Variants in XIRP2 observed in about 807,000 individuals in gnomAD.
The protein encoded by XIRP2 is xin actin-binding repeat-containing protein 2.
A neutral mutation model predicts 277.0 loss-of-function variants in XIRP2; 236 were observed. That is an observed-to-expected ratio of 0.85 (90% confidence interval 0.77 to 0.95). XIRP2 has a LOEUF of 0.95. XIRP2 is among the 40% of genes least tolerant of loss of function. XIRP2 has a pLI of 0.00. For missense variants in XIRP2, 4,640 were observed against 4,157.5 expected (o/e 1.12, Z -3.19); for synonymous variants, 1,490 against 1,416.5 (o/e 1.05, Z -1.17).
At chr2:167,205,602 T>C (rs1325933147) in intron 3 of XIRP2, among the ~76,000 whole-genome samples, 2 of 152,160 alleles carry the variant, frequency 1.3e-5, no homozygotes, top group Non-Finnish European at 2.9e-5. Context: ...CTATCTCATT[T>C]AATATATGAA....
At chr2:167,195,751 G>T (rs188544255) in intron 3 of XIRP2, among the ~76,000 whole-genome samples, 2 of 152,276 alleles carry the variant, frequency 1.3e-5, no homozygotes. Flanking sequence ...GAAATCAGTG[G>T]GTATAGGGAC....
At chr2:167,083,260 G>A (rs1425818209) in intron 2 of XIRP2, among the ~76,000 whole-genome samples, 1 of 152,028 alleles carries the variant, frequency 6.6e-6, no homozygotes, top group Non-Finnish European at 1.5e-5. Context: ...TTGTAGATAT[G>A]CGGCATTATT....
At position 167,246,586 on chromosome 2, in the gene XIRP2, AG is replaced by A; in HGVS notation, c.5197del (p.Ala1733LeufsTer18). On this transcript the variant is annotated frameshift_variant, in exon 9 of 11. Coordinates refer to ENST00000409195, the MANE Select transcript of XIRP2 (RefSeq NM_152381.6). LOFTEE classifies it high-confidence loss of function. ...CACATCAAACAATAAAATATCTGAA[AG>A]GGCTAAAATTGATGCCTCTGAGAGA... ...SSTSNNKISE[R>X]AKIDASERGN... 1 of 1,613,834 alleles carries A rather than the reference AG, an allele frequency of 6.2e-7. No individual in the cohort carries two copies. Among genetic ancestry groups the A allele is most frequent in the East Asian group, 2.2e-5 (1 of 44,836 alleles).
Position 167,245,786 on chromosome 2 carries a change from G to A in XIRP2, c.4394G>A (p.Arg1465Lys). 1 of 1,613,720 alleles carries A rather than the reference G, an allele frequency of 6.2e-7. No individual in the cohort carries two copies. Residue 1465 changes from arginine (R) to lysine (K), a missense_variant, in exon 9 of 11, where the codon AGA (arginine) becomes AAA (lysine). Arg to Lys is a conservative substitution (Grantham distance 26). Coordinates refer to ENST00000409195, the MANE Select transcript of XIRP2 (RefSeq NM_152381.6). ...LFETHTMDEL[R>K]GEGLEYENIK... ...GAAACCCACACTATGGATGAACTGA[G>A]AGGAGAAGGGTTAGAATATGAAAAT...
chr2:167,016,378 T>C (rs1687828238), intron 2 of XIRP2, among the ~76,000 whole-genome samples: 1 of 152,020 alleles, frequency 6.6e-6, no homozygotes, highest in East Asian at 1.9e-4. Flanking sequence ...CCTTCTAAAA[T>C]ACAAATCTTA....
In XIRP2 at chr2:166,907,875, T is replaced by C. The variant is rs563444385; in HGVS notation, c.408+3985T>C. ...TGAGAACATGCAGTGTTTGGTTTTT[T>C]GTCTTTGCGTTAGTTTGCTGAGAAT... On this transcript the variant is annotated intron_variant, in intron 2 of 10. Transcript: ENST00000409195. Among the ~76,000 whole-genome samples, 3 of 151,588 alleles carry C rather than the reference T, an allele frequency of 2.0e-5. No individual in the cohort carries two copies. In the South Asian group the frequency reaches 6.3e-4, roughly 32 times the overall value.
At position 166,903,826 on chromosome 2, in the gene XIRP2, A is replaced by G. The variant is rs746553062; in HGVS notation, c.344A>G (p.Asp115Gly). ...ATTGAACGCTTTTCCATTGCCCTTG[A>G]TGAGCTGAGGAGTGTGTTTGAGGCT... ...RRIERFSIAL[D>G]ELRSVFEAPK... Residue 115 changes from aspartate (D) to glycine (G), a missense_variant, in exon 2 of 11, where the codon GAT becomes GGT. Coordinates refer to ENST00000409195, the MANE Select transcript of XIRP2 (RefSeq NM_152381.6). 1.2e-6 allele frequency: 2 copies of G among 1,613,692 alleles called. No individual in the cohort carries two copies. Among genetic ancestry groups the G allele is most frequent in the South Asian group, 2.2e-5 (2 of 91,082 alleles).
chr2:166,898,825 A>C (rs1684308105), intron 1 of XIRP2, among the ~76,000 whole-genome samples: 1 of 152,112 alleles, frequency 6.6e-6, no homozygotes, highest in Admixed American at 6.6e-5. Context: ...TCTGTTCTGC[A>C]CATTTGTAAT....
At chr2:167,023,911 T>C (rs1001509475) in intron 2 of XIRP2, among the ~76,000 whole-genome samples, 1 of 152,174 alleles carries the variant, frequency 6.6e-6, no homozygotes, top group Non-Finnish European at 1.5e-5. Flanking sequence ...CTGTGTTCTT[T>C]TGGCTTAGGA....
chr2:167,203,609 G>A (rs1237594699), intron 3 of XIRP2, among the ~76,000 whole-genome samples: 2 of 152,106 alleles, frequency 1.3e-5, no homozygotes, highest in Non-Finnish European at 2.9e-5. Flanking sequence ...TGTTTTTTAA[G>A]AACTCTGAAT....
At position 167,212,609 on chromosome 2, in the gene XIRP2, G is replaced by C. The variant is rs550400892; in HGVS notation, c.723+1714G>C. ...TTATAGACAAGAAAAGCAAGAGAAA[G>C]TTACTTATAGATTATAAAATTAGGT... is the stretch of plus-strand genomic sequence containing the variant. On this transcript the variant is annotated intron_variant, in intron 4 of 10. Transcript: ENST00000409195. Among the ~76,000 whole-genome samples, 4 of 152,170 alleles carry C rather than the reference G, an allele frequency of 2.6e-5. No individual in the cohort carries two copies. The East Asian group carries it at 7.7e-4, about 29-fold the overall frequency.
chr2:166,937,437 G>A (rs1452585548), intron 2 of XIRP2, among the ~76,000 whole-genome samples: 1 of 152,166 alleles, frequency 6.6e-6, no homozygotes, highest in Non-Finnish European at 1.5e-5. Context: ...GCATCCCAGG[G>A]ATGAAGCCGA....
intron 3 of XIRP2, among the ~76,000 whole-genome samples, chr2:167,141,425 C>G (rs910355006): frequency 9.9e-5 from 15 of 152,122 alleles, no homozygotes; most frequent in African/African-American, 3.6e-4. Context: ...AACAGGAGAT[C>G]ATACATTGGA....
In XIRP2 at chr2:167,043,687, G is replaced by C. The variant is rs140503324; in HGVS notation, c.409-92222G>C. ...CAGACCAATAATGTGTTCTGAAACT[G>C]AATCGTTAATGAAAGAAACTTACCA... On this transcript the variant is annotated intron_variant, in intron 2 of 10. Transcript: ENST00000409195. 3.0e-3 allele frequency among the ~76,000 whole-genome samples: 450 copies of C among 152,034 alleles called. 2 individuals carry two copies. The highest frequency in any genetic ancestry group is 4.8e-3 in the Non-Finnish European group (323 of 67,884).
chr2:166,978,582 A>G (rs554209122), intron 2 of XIRP2, among the ~76,000 whole-genome samples: 1 of 152,328 alleles, frequency 6.6e-6, no homozygotes, highest in South Asian at 2.1e-4. Flanking sequence ...AGTCTTGCAC[A>G]TATTTGTTGA....
chr2:167,161,196 G>A (rs992808155), intron 3 of XIRP2, among the ~76,000 whole-genome samples: 1 of 152,198 alleles, frequency 6.6e-6, no homozygotes, highest in Admixed American at 6.5e-5. Context: ...CTGGTGTTGA[G>A]TGTCTGTGGG....
chr2:166,953,495 G>A (rs1200088905), intron 2 of XIRP2, among the ~76,000 whole-genome samples: 3 of 151,950 alleles, frequency 2.0e-5, no homozygotes, highest in Non-Finnish European at 4.4e-5. Flanking sequence ...TAAGCAGCAT[G>A]AGAACAGACT....
intron 2 of XIRP2, among the ~76,000 whole-genome samples, chr2:166,931,206 T>A (rs777077970): frequency 6.6e-6 from 1 of 152,180 alleles, no homozygotes; most frequent in Non-Finnish European, 1.5e-5. Context: ...GTACTTGCAA[T>A]TGTAATGCAG....
intron 3 of XIRP2, among the ~76,000 whole-genome samples, chr2:167,152,809 C>T (rs569653433): frequency 1.3e-5 from 2 of 152,074 alleles, no homozygotes; most frequent in Non-Finnish European, 2.9e-5. Context: ...TCCACCACTC[C>T]AAGGAATCAC....
Sources: gnomAD v4.1 joint callset for allele counts (sites outside exome capture counted in the v4.1 genomes callset) on GRCh38, gnomAD v4.1.1 for gene constraint, MANE v1.5 for transcripts, NCBI Gene and HGNC (gene_info 2026-07-23, HGNC 2026-07-21) for gene names.